CCM2: variants seen among roughly 807,000 people sequenced by gnomAD.
CCM2 encodes cerebral cavernous malformations 2 protein.
In CCM2, 25 loss-of-function variants were observed where a neutral mutation model predicts 44.9. That is an observed-to-expected ratio of 0.56 (90% CI 0.41 to 0.78). The LOEUF (loss-of-function observed/expected upper bound fraction) is 0.78, where lower values mean the gene tolerates loss of function less well. CCM2 is among the 30% of genes least tolerant of loss of function. CCM2 has a pLI of 0.00. For missense variants in CCM2, 481 were observed against 580.6 expected (o/e 0.83, Z 1.76); for synonymous variants, 219 against 241.1 (o/e 0.91, Z 0.85).
intron 1 of CCM2, among the ~76,000 whole-genome samples, chr7:45,013,632 T>C (rs573257094): frequency 1.7e-4 from 26 of 152,354 alleles, no homozygotes; most frequent in Admixed American, 1.6e-3. Context: ...CCACCCAGAC[T>C]TGCTGATTGT....
intron 1 of CCM2, among the ~76,000 whole-genome samples, chr7:45,021,565 A>G (rs1583863276): frequency 2.0e-5 from 3 of 149,482 alleles, no homozygotes; most frequent in South Asian, 4.2e-4. Flanking sequence ...CTCTTTCTCA[A>G]AAAAAAAAAA....
intron 4 of CCM2, among the ~76,000 whole-genome samples, chr7:45,066,564 C>T (rs1798783641): frequency 6.6e-6 from 1 of 152,152 alleles, no homozygotes; most frequent in South Asian, 2.1e-4. Flanking sequence ...CCTCTTTGGA[C>T]CAAAAGTACG....
At chr7:45,027,589 C>T (rs1364240134) in intron 1 of CCM2, 5 of 1,598,418 alleles carry the variant, frequency 3.1e-6, no homozygotes, top group Admixed American at 1.7e-5. Context: ...TAAACAGCTT[C>T]AGTGGCTTTG....
In CCM2 at chr7:45,043,351, A is replaced by G. The variant is rs1489206917; in HGVS notation, c.204+4925A>G. On this transcript the variant is annotated intron_variant, in intron 2 of 9. Coordinates refer to ENST00000258781, the MANE Select transcript of CCM2 (RefSeq NM_031443.4). ...ACAGTGCAAAATTAAAAGAAATAAC[A>G]GACACCAATACAAACATAAAATTCC... is the stretch of plus-strand genomic sequence containing the variant. Among the ~76,000 whole-genome samples, 10 of 152,352 alleles carry G rather than the reference A, an allele frequency of 6.6e-5. No individual in the cohort carries two copies. The East Asian group carries it at 1.7e-3, about 26-fold the overall frequency.
chr7:45,061,844 T>C (rs1798540853), intron 2 of CCM2, among the ~76,000 whole-genome samples: 1 of 152,108 alleles, frequency 6.6e-6, no homozygotes, highest in African/African-American at 2.4e-5. Context: ...AGGAGATGTT[T>C]CTCCAGTCTC....
intron 2 of CCM2, among the ~76,000 whole-genome samples, chr7:45,046,078 T>C (rs192920342): frequency 2.8e-4 from 43 of 152,298 alleles, no homozygotes; most frequent in Admixed American, 5.2e-4. Flanking sequence ...ATGGACCAAC[T>C]CCTTGAAAAG....
intron 3 of CCM2, 40 bp downstream of exon 3, chr7:45,064,041 C>T (rs767526521): frequency 2.2e-6 from 3 of 1,392,776 alleles, no homozygotes; most frequent in Non-Finnish European, 3.1e-6. Context: ...AGCCCTCAGC[C>T]CCCACCAGCC....
At chr7:45,020,401 A>G (rs1320705503) in intron 1 of CCM2, among the ~76,000 whole-genome samples, 1 of 152,108 alleles carries the variant, frequency 6.6e-6, no homozygotes, top group East Asian at 1.9e-4. Flanking sequence ...GAGCTCTTTC[A>G]TTATAGATAT....
intron 1 of CCM2, among the ~76,000 whole-genome samples, chr7:45,034,340 T>G (rs1797109316): frequency 1.3e-5 from 2 of 151,978 alleles, no homozygotes; most frequent in Admixed American, 1.3e-4. Flanking sequence ...GCCTCCTGAG[T>G]AGCTGGGATT....
chr7:45,023,337 G>A (rs903636948), intron 1 of CCM2, among the ~76,000 whole-genome samples: 2 of 152,128 alleles, frequency 1.3e-5, no homozygotes, highest in African/African-American at 2.4e-5. Context: ...ATCACCTGAG[G>A]TCAGGAGTTC....
intron 3 of CCM2, 79 bp from the exon 4 acceptor site, chr7:45,064,384 G>C: frequency 2.8e-6 from 4 of 1,409,896 alleles, no homozygotes; most frequent in Non-Finnish European, 4.0e-6. Flanking sequence ...ACATCGGCCA[G>C]CACAATATTC....
chr7:45,000,164 C>CTCTA, upstream of CCM2: 1 of 180,942 alleles, frequency 5.5e-6, no homozygotes, highest in Non-Finnish European at 9.6e-6. Context: ...GGAGGGGGCT[C>CTCTA]GGGCCCGGAA....
Position 45,042,790 on chromosome 7 carries a change from G to A in CCM2, c.204+4364G>A, listed in dbSNP as rs112956092. Among the ~76,000 whole-genome samples, 787 of 151,846 alleles carry A rather than the reference G, an allele frequency of 5.2e-3. 10 individuals are homozygous for A. Among genetic ancestry groups the A allele is most frequent in the African/African-American group, 0.018 (757 of 41,250 alleles). On this transcript the variant is annotated intron_variant, in intron 2 of 9. Coordinates refer to ENST00000258781, the MANE Select transcript of CCM2 (RefSeq NM_031443.4). Reference sequence around the variant, plus strand: ...CCCCTATAATTATTAAAGAAATTCAGTATCTAATTTGAAAACTCCCATTAA... The same window carrying A: ...CCCCTATAATTATTAAAGAAATTCAATATCTAATTTGAAAACTCCCATTAA...
intron 2 of CCM2, among the ~76,000 whole-genome samples, chr7:45,040,273 A>G (rs1011738868): frequency 2.6e-5 from 4 of 151,882 alleles, no homozygotes; most frequent in Non-Finnish European, 5.9e-5. Flanking sequence ...AGTCCCAGCT[A>G]CTCGGGAGGC....
At chr7:45,042,021 A>G (rs1215746082) in intron 2 of CCM2, among the ~76,000 whole-genome samples, 2 of 152,152 alleles carry the variant, frequency 1.3e-5, no homozygotes, top group Non-Finnish European at 2.9e-5. Flanking sequence ...CATGCCTGTA[A>G]TCCCAGTACT....
chr7:45,018,790 T>C (rs1166060624), intron 1 of CCM2, among the ~76,000 whole-genome samples: 1 of 151,162 alleles, frequency 6.6e-6, no homozygotes, highest in Non-Finnish European at 1.5e-5. Context: ...AGATGGAGTC[T>C]TACTCTGTCG....
At chr7:45,073,993 C>A in intron 8 of CCM2, 1 of 622,462 alleles carries the variant, frequency 1.6e-6, no homozygotes, top group Non-Finnish European at 2.7e-6. Flanking sequence ...TTGCCAACTT[C>A]CACCCTGCCC....
intron 1 of CCM2, among the ~76,000 whole-genome samples, chr7:45,018,800 G>A (rs1039852019): frequency 4.2e-5 from 6 of 144,188 alleles, no homozygotes; most frequent in South Asian, 4.4e-4. Context: ...TTACTCTGTC[G>A]CCAGGCTGGA....
At chr7:45,021,657 A>G (rs1465612055) in intron 1 of CCM2, among the ~76,000 whole-genome samples, 1 of 151,912 alleles carries the variant, frequency 6.6e-6, no homozygotes, top group African/African-American at 2.4e-5. Context: ...TTGGAAGTGC[A>G]GTTTGCAGAG....
Sources: gnomAD v4.1 joint callset for allele counts (sites outside exome capture counted in the v4.1 genomes callset) on GRCh38, gnomAD v4.1.1 for gene constraint, MANE v1.5 for transcripts, NCBI Gene and HGNC (gene_info 2026-07-23, HGNC 2026-07-21) for gene names.